ADAM23: variants seen among roughly 807,000 people sequenced by gnomAD.
ADAM23 encodes ADAM metallopeptidase domain 23, also known as disintegrin and metalloproteinase domain-containing protein 23.
A neutral mutation model predicts 120.1 loss-of-function variants in ADAM23; 33 were observed. The ratio of observed to expected loss-of-function variants is 0.27; its 90% confidence interval spans 0.21 to 0.37. The LOEUF (loss-of-function observed/expected upper bound fraction) is 0.37, where lower values mean the gene tolerates loss of function less well. Among genes scored for constraint, ADAM23 ranks in the 10% least tolerant of loss-of-function variants. ADAM23 has a pLI of 1.00. For synonymous variants in ADAM23, 367 were observed against 375.2 expected, an observed-to-expected ratio of 0.98 and a Z score of 0.25; for missense variants, 862 against 1,058.2, an observed-to-expected ratio of 0.81 and a Z score of 2.57.
At position 206,450,531 on chromosome 2, in the gene ADAM23, A is replaced by C. The variant is rs1450029217; in HGVS notation, c.432+5007A>C. 2.6e-5 allele frequency among the ~76,000 whole-genome samples: 4 copies of C among 152,196 alleles called. No homozygotes were observed. In the East Asian group the frequency reaches 7.7e-4, roughly 29 times the overall value. ...AAACTAAAATTCAAAAGGACCCTCA[A>C]AATACTCAAGTATTTTTGGCACTGT... On this transcript the variant is annotated intron_variant, in intron 2 of 25. Coordinates refer to ENST00000264377, the MANE Select transcript of ADAM23 (RefSeq NM_003812.4).
chr2:206,612,392 G>A (rs1425721232), intron 25 of ADAM23, among the ~76,000 whole-genome samples: 4 of 152,192 alleles, frequency 2.6e-5, no homozygotes, highest in Admixed American at 2.0e-4. Context: ...CAATGTAAAT[G>A]TTTAAAAAGA....
At position 206,443,805 on chromosome 2, in the gene ADAM23, G is replaced by T. The variant is rs1695011447; in HGVS notation, c.-62G>T. 1.0e-6 allele frequency: 1 copy of T among 965,962 alleles called. No homozygotes were observed. Among genetic ancestry groups the T allele is most frequent in the Non-Finnish European group, 1.2e-6 (1 of 803,700 alleles). 59.8% of individuals were successfully genotyped at this position (965,962 alleles called of 1,614,324 possible). A position where few individuals can be genotyped will look rare whatever the true frequency, so the allele number is the denominator to read the frequency against. ...GGCGTGACCGGCTCCGCCCGCGGCC[G>T]CCCCGCAGCTAGCCCGGCGCTCTCG... On this transcript the variant is annotated 5_prime_UTR_variant, in exon 1 of 26. Coordinates refer to ENST00000264377, the MANE Select transcript of ADAM23 (RefSeq NM_003812.4).
intron 18 of ADAM23, among the ~76,000 whole-genome samples, chr2:206,579,179 G>T (rs1698175698): frequency 6.6e-6 from 1 of 151,806 alleles, no homozygotes; most frequent in Non-Finnish European, 1.5e-5. Flanking sequence ...CCATTCTTTG[G>T]GTTGTCTCTT....
intron 9 of ADAM23, among the ~76,000 whole-genome samples, chr2:206,552,155 A>G (rs899618274): frequency 1.4e-4 from 21 of 152,210 alleles, no homozygotes; most frequent in Admixed American, 1.2e-3. Flanking sequence ...TTCAACATCC[A>G]TTATATAAAT....
At chr2:206,468,692 A>G (rs528575466) in intron 2 of ADAM23, among the ~76,000 whole-genome samples, 21 of 152,244 alleles carry the variant, frequency 1.4e-4, no homozygotes, top group African/African-American at 4.8e-4. Flanking sequence ...GGCTGCTTCC[A>G]CATTTTCAGG....
chr2:206,450,312 T>G (rs574783785), intron 2 of ADAM23, among the ~76,000 whole-genome samples: 1 of 152,342 alleles, frequency 6.6e-6, no homozygotes, highest in African/African-American at 2.4e-5. Context: ...AAGAGCTGCC[T>G]TTATCTAAAC....
intron 2 of ADAM23, among the ~76,000 whole-genome samples, chr2:206,450,992 A>AACATAACT (rs1695181518): frequency 6.6e-6 from 1 of 152,204 alleles, no homozygotes; most frequent in Admixed American, 6.5e-5. Context: ...TGCAGTTACT[A>AACATAACT]GTGGAAGGAA....
At chr2:206,566,751 G>T (rs17278348) in intron 14 of ADAM23, among the ~76,000 whole-genome samples, 2 of 151,730 alleles carry the variant, frequency 1.3e-5, no homozygotes, top group Non-Finnish European at 2.9e-5. Flanking sequence ...ATGCATTGTT[G>T]GCCTGCATGA....
chr2:206,609,830 A>G (rs1436127684), intron 24 of ADAM23, 80 bp from the exon 25 acceptor site: 1 of 1,174,100 alleles, frequency 8.5e-7, no homozygotes. Context: ...TTACTTCCTG[A>G]AACTGCTTAA....
At chr2:206,505,902 G>C (rs911510286) in intron 3 of ADAM23, among the ~76,000 whole-genome samples, 1 of 152,264 alleles carries the variant, frequency 6.6e-6, no homozygotes, top group Non-Finnish European at 1.5e-5. Flanking sequence ...CCATATAGCT[G>C]CAAGTGCAAA....
chr2:206,585,573 G>A (rs1698305567), intron 18 of ADAM23, among the ~76,000 whole-genome samples: 2 of 152,180 alleles, frequency 1.3e-5, no homozygotes, highest in African/African-American at 4.8e-5. Flanking sequence ...CTTGATAAAT[G>A]GCTCAATATG....
At chr2:206,615,763 C>G (rs1456926538) in intron 25 of ADAM23, among the ~76,000 whole-genome samples, 1 of 152,182 alleles carries the variant, frequency 6.6e-6, no homozygotes, top group Admixed American at 6.5e-5. Context: ...AAAGGTGCAA[C>G]CTAAGCTTCA....
intron 7 of ADAM23, 55 bp downstream of exon 7, chr2:206,547,556 G>A: frequency 6.9e-7 from 1 of 1,440,884 alleles, no homozygotes; most frequent in Non-Finnish European, 9.7e-7. Flanking sequence ...GCTTTTATCT[G>A]GTGGAGCTCA....
chr2:206,572,634 C>T (rs764529326), intron 17 of ADAM23, among the ~76,000 whole-genome samples: 16 of 152,128 alleles, frequency 1.1e-4, no homozygotes, highest in Non-Finnish European at 1.8e-4. Flanking sequence ...AAAAGGCATT[C>T]CCTGGCATTA....
intron 4 of ADAM23, 30 bp downstream of exon 4, chr2:206,530,978 A>T (rs16824776): frequency 6.3e-7 from 1 of 1,595,172 alleles, no homozygotes; most frequent in Non-Finnish European, 8.6e-7. Context: ...CAAGTACTCT[A>T]GTATAAGTGT....
At chr2:206,508,972 G>A (rs1696564653) in intron 3 of ADAM23, among the ~76,000 whole-genome samples, 1 of 152,228 alleles carries the variant, frequency 6.6e-6, no homozygotes, top group African/African-American at 2.4e-5. Context: ...AGCTTGTCAT[G>A]ATGAAGCAAT....
In ADAM23 at chr2:206,476,733, G is replaced by C. The variant is rs150207558; in HGVS notation, c.433-4499G>C. 2.7e-3 allele frequency among the ~76,000 whole-genome samples: 412 copies of C among 152,250 alleles called. 3 individuals carry two copies. Among genetic ancestry groups the C allele is most frequent in the Non-Finnish European group, 2.9e-3 (195 of 68,010 alleles). The stretch of plus-strand genomic sequence containing the variant: ...CTAAGGTGAAATATATGTCTCAGAA[G>C]ATGTGATGATCCATAGTGTAGGCAC... On this transcript the variant is annotated intron_variant, in intron 2 of 25. Coordinates refer to ENST00000264377, the MANE Select transcript of ADAM23 (RefSeq NM_003812.4).
Position 206,573,038 on chromosome 2 carries a change from C to T in ADAM23, c.1657-77C>T, listed in dbSNP as rs922430263. 1.8e-5 allele frequency: 26 copies of T among 1,411,750 alleles called. No homozygotes were observed. In the East Asian group the frequency reaches 2.5e-4, roughly 14 times the overall value. The allele number at this position is 1,411,750 out of a possible 1,614,324, so 87.5% of individuals were successfully genotyped here. A position where few individuals can be genotyped will look rare whatever the true frequency, so the allele number is the denominator to read the frequency against. ...AGTTATGCGAGAGTATAGGCATTGT[C>T]GGTGAGTCTAAGAATGTTATAATAA... is the stretch of plus-strand genomic sequence containing the variant. On this transcript the variant is annotated intron_variant, in intron 17 of 25. Coordinates refer to ENST00000264377, the MANE Select transcript of ADAM23 (RefSeq NM_003812.4).
At chr2:206,571,939 G>A in intron 17 of ADAM23, 123 bp downstream of exon 17, 1 of 738,344 alleles carries the variant, frequency 1.4e-6, no homozygotes, top group Non-Finnish European at 2.2e-6. Context: ...ATATTAGCCT[G>A]GCAGTTTTCT....
Sources: gnomAD v4.1 joint callset for allele counts (sites outside exome capture counted in the v4.1 genomes callset) on GRCh38, gnomAD v4.1.1 for gene constraint, MANE v1.5 for transcripts, NCBI Gene and HGNC (gene_info 2026-07-23, HGNC 2026-07-21) for gene names.